VAV3: variants seen among roughly 807,000 people sequenced by gnomAD.
VAV3 encodes guanine nucleotide exchange factor VAV3.
VAV3 carries 94 observed loss-of-function variants against 131.2 expected under a neutral mutation model. The observed-to-expected ratio is 0.72, with a 90% CI of 0.61 to 0.85. The LOEUF is 0.85. Ranked by LOEUF, VAV3 falls within the 40% of genes least tolerant of loss-of-function variation. The pLI is 0.00. For missense variants in VAV3, 939 were observed against 1,002.7 expected, an observed-to-expected ratio of 0.94 and a Z score of 0.86; for synonymous variants, 349 against 342.0, an observed-to-expected ratio of 1.02 and a Z score of -0.22.
At chr1:107,844,495 G>C (rs1668873239) in intron 2 of VAV3, among the ~76,000 whole-genome samples, 1 of 152,132 alleles carries the variant, frequency 6.6e-6, no homozygotes, top group Non-Finnish European at 1.5e-5. Context: ...TGGAAAGGGG[G>C]CTGAAGCCAG....
intron 2 of VAV3, among the ~76,000 whole-genome samples, chr1:107,835,358 C>T (rs1472276433): frequency 6.6e-6 from 1 of 152,134 alleles, no homozygotes; most frequent in Non-Finnish European, 1.5e-5. Flanking sequence ...CTTGTGGCAA[C>T]CCCCCAGGTT....
At chr1:107,637,985 A>G (rs1655060484) in intron 20 of VAV3, among the ~76,000 whole-genome samples, 1 of 152,258 alleles carries the variant, frequency 6.6e-6, no homozygotes, top group Non-Finnish European at 1.5e-5. Context: ...TGGATGCAGA[A>G]GAGCATTTGA....
At chr1:107,711,755 G>A (rs1032771933) in intron 15 of VAV3, among the ~76,000 whole-genome samples, 1 of 151,956 alleles carries the variant, frequency 6.6e-6, no homozygotes, top group African/African-American at 2.4e-5. Context: ...CCAGGCTGGA[G>A]TGCAGTGGTG....
chr1:107,625,660 C>T (rs1653962569), intron 20 of VAV3, among the ~76,000 whole-genome samples: 2 of 152,126 alleles, frequency 1.3e-5, no homozygotes, highest in South Asian at 2.1e-4. Flanking sequence ...GTCTATTTTC[C>T]GAAGCACATA....
At chr1:107,776,076 C>A (rs1240459331) in intron 4 of VAV3, among the ~76,000 whole-genome samples, 1 of 152,178 alleles carries the variant, frequency 6.6e-6, no homozygotes, top group African/African-American at 2.4e-5. Context: ...TAATAACAAC[C>A]TAGTAATATT....
chr1:107,624,221 C>G (rs10736047), intron 20 of VAV3, among the ~76,000 whole-genome samples: 142,619 of 152,234 alleles, frequency 0.94, 67,410 homozygotes, highest in East Asian at 1. Flanking sequence ...TTCACCGAGT[C>G]TTTCTCCTGT....
intron 1 of VAV3, among the ~76,000 whole-genome samples, chr1:107,900,982 T>C (rs975366566): frequency 6.6e-6 from 1 of 152,216 alleles, no homozygotes; most frequent in African/African-American, 2.4e-5. Flanking sequence ...GACTCAGTAA[T>C]AACTGTGTCA....
At chr1:107,582,146 C>A (rs1650098263) in intron 25 of VAV3, among the ~76,000 whole-genome samples, 1 of 152,182 alleles carries the variant, frequency 6.6e-6, no homozygotes, top group African/African-American at 2.4e-5. Context: ...AAGAACTGTA[C>A]TCCTAAGTGG....
chr1:107,692,746 G>T (rs1659503487), intron 17 of VAV3, among the ~76,000 whole-genome samples: 1 of 152,216 alleles, frequency 6.6e-6, no homozygotes, highest in African/African-American at 2.4e-5. Flanking sequence ...AGGAGCAGCA[G>T]CTGGCCTAGA....
In VAV3 at chr1:107,576,509, G is replaced by A. The variant is rs1316860633; in HGVS notation, c.2351-2311C>T. On this transcript the variant is annotated intron_variant, in intron 25 of 26. Transcript: ENST00000370056. ...AAGAAAGAAAAAGAGAGAAGCAAAA[G>A]AGCATTTAGGTATTGGCAAAAATAT... is the stretch of plus-strand genomic sequence containing the variant. The A allele has an allele frequency of 3.4e-6, 5 of 1,482,048 alleles. No homozygotes were observed. In the East Asian group the frequency reaches 7.6e-5, roughly 23 times the overall value. The allele number at this position is 1,482,048 out of a possible 1,614,324, so 91.8% of individuals were successfully genotyped here. A position where few individuals can be genotyped will look rare whatever the true frequency, so the allele number is the denominator to read the frequency against.
At position 107,596,251 on chromosome 1, in the gene VAV3, G is replaced by C. The variant is rs1247544330; in HGVS notation, c.2311C>G (p.His771Asp). The C allele has an allele frequency of 6.2e-6, 10 of 1,613,466 alleles. No homozygotes were observed. Among genetic ancestry groups the C allele is most frequent in the Non-Finnish European group, 8.5e-6 (10 of 1,179,606 alleles). The change falls in exon 25 of 27, where the codon CAT becomes GAT. Residue 771 changes from histidine to aspartate, a missense_variant. His to Asp is a moderately conservative substitution (Grantham distance 81). Coordinates refer to ENST00000370056, the MANE Select transcript of VAV3 (RefSeq NM_006113.5). ...CTATTACCCCTCTGTCCAGCTGAAT[G>C]TTCTGGCTCCTTGTATGGAAACTGC... ...TLQFPYKEPEHSAGQRGNRAG... is the reference protein window; with the variant it reads ...TLQFPYKEPEDSAGQRGNRAG...
intron 2 of VAV3, among the ~76,000 whole-genome samples, chr1:107,796,332 G>A (rs985242384): frequency 5.3e-5 from 8 of 152,126 alleles, no homozygotes; most frequent in Admixed American, 3.3e-4. Context: ...CAAGCTGCCC[G>A]GCTTCCAACT....
intron 15 of VAV3, among the ~76,000 whole-genome samples, chr1:107,711,950 T>C (rs933668143): frequency 1.3e-5 from 2 of 152,148 alleles, no homozygotes; most frequent in Non-Finnish European, 2.9e-5. Context: ...CCTCCCAAAG[T>C]GCTGGCATTA....
At chr1:107,638,991 CATATAA>C (rs1340956310) in intron 20 of VAV3, among the ~76,000 whole-genome samples, 31 of 151,820 alleles carry the variant, frequency 2.0e-4, no homozygotes, top group Middle Eastern at 3.4e-3. Flanking sequence ...ATATATAGTA[CATATAA>C]ATATATGTGC....
intron 19 of VAV3, chr1:107,669,470 C>T (rs1249595320): frequency 3.1e-6 from 4 of 1,286,254 alleles, no homozygotes; most frequent in Non-Finnish European, 3.0e-6. Context: ...AGACAGGGCA[C>T]ATCTAATAAA....
At chr1:107,662,732 C>T (rs765089994) in intron 19 of VAV3, among the ~76,000 whole-genome samples, 9 of 152,134 alleles carry the variant, frequency 5.9e-5, no homozygotes, top group African/African-American at 1.7e-4. Flanking sequence ...AAAACGCTAA[C>T]GAAAGCACAC....
chr1:107,657,374 G>A, intron 19 of VAV3, among the ~76,000 whole-genome samples: 1 of 152,244 alleles, frequency 6.6e-6, no homozygotes, highest in South Asian at 2.1e-4. Flanking sequence ...ATTAAATCAT[G>A]GCCTACAAAT....
chr1:107,605,465 C>T (rs1652191097), intron 22 of VAV3, among the ~76,000 whole-genome samples: 1 of 152,144 alleles, frequency 6.6e-6, no homozygotes, highest in Non-Finnish European at 1.5e-5. Context: ...AAGGCCCTCA[C>T]CAGATGCAGC....
chr1:107,792,946 T>C (rs542091674), intron 2 of VAV3, among the ~76,000 whole-genome samples: 1 of 152,278 alleles, frequency 6.6e-6, no homozygotes, highest in East Asian at 1.9e-4. Context: ...ACTGTAATGA[T>C]ATTCTGGTTT....
Sources: allele counts gnomAD v4.1 joint callset (sites outside exome capture counted in the v4.1 genomes callset), GRCh38; gene constraint gnomAD v4.1.1; transcripts MANE v1.5; gene names NCBI Gene and HGNC (gene_info 2026-07-23, HGNC 2026-07-21).